HDAC4: variants seen among roughly 807,000 people sequenced by gnomAD.
The protein encoded by HDAC4 is histone deacetylase 4.
In HDAC4, 16 loss-of-function variants were observed where a neutral mutation model predicts 135.1. The ratio of observed to expected loss-of-function variants is 0.12; its 90% confidence interval spans 0.08 to 0.18. The LOEUF is 0.18. Ranked by LOEUF, HDAC4 falls within the 10% of genes least tolerant of loss-of-function variation. The probability of loss-of-function intolerance (pLI) is 1.00; values close to 1 mark genes in which losing one functional copy is unlikely to be tolerated. For missense variants in HDAC4, 1,143 were observed against 1,511.8 expected (o/e 0.76, Z 4.05); for synonymous variants, 685 against 653.4 (o/e 1.05, Z -0.74).
At chr2:239,063,097 G>T (rs75322435) in intron 24 of HDAC4, among the ~76,000 whole-genome samples, 5,962 of 152,296 alleles carry the variant, frequency 0.039, 175 homozygotes, top group South Asian at 0.058. Flanking sequence ...GCATACTCCA[G>T]GTCTGCTGTC....
intron 3 of HDAC4, among the ~76,000 whole-genome samples, chr2:239,214,141 C>T (rs904707409): frequency 2.0e-5 from 3 of 152,180 alleles, no homozygotes; most frequent in Non-Finnish European, 2.9e-5. Context: ...ATGGGGTTTA[C>T]GGAGCGAAAG....
intron 3 of HDAC4, among the ~76,000 whole-genome samples, chr2:239,198,566 GATCATAGTC>G (rs1016010599): frequency 1.8e-4 from 28 of 152,276 alleles, no homozygotes; most frequent in African/African-American, 6.5e-4. Context: ...AGGCGCTCAG[GATCATAGTC>G]GCTGGAGAGC....
chr2:239,080,488 C>A (rs1009682592), intron 22 of HDAC4, among the ~76,000 whole-genome samples: 1 of 152,208 alleles, frequency 6.6e-6, no homozygotes, highest in Non-Finnish European at 1.5e-5. Flanking sequence ...AGAAAACCTG[C>A]GCTGCTCAGC....
chr2:239,206,198 C>T (rs1002595813), intron 3 of HDAC4, among the ~76,000 whole-genome samples: 2 of 152,108 alleles, frequency 1.3e-5, no homozygotes, highest in Non-Finnish European at 2.9e-5. Context: ...TGTGGTGGTG[C>T]ATGCCTGTGG....
chr2:239,108,000 T>G (rs1360228079), intron 15 of HDAC4, 50 bp downstream of exon 15: 7 of 1,608,184 alleles, frequency 4.4e-6, no homozygotes, highest in Non-Finnish European at 5.9e-6. Flanking sequence ...GAGGGTCCCC[T>G]CTAATGGTGC....
At chr2:239,266,219 A>C (rs2049719433) in intron 2 of HDAC4, among the ~76,000 whole-genome samples, 1 of 152,062 alleles carries the variant, frequency 6.6e-6, no homozygotes. Flanking sequence ...GGGAGCCCAC[A>C]CTCCAGGCAG....
At chr2:239,248,906 C>T (rs774328950) in intron 2 of HDAC4, among the ~76,000 whole-genome samples, 1 of 152,198 alleles carries the variant, frequency 6.6e-6, no homozygotes, top group Non-Finnish European at 1.5e-5. Flanking sequence ...CCTGAACTAG[C>T]GATTAAGTGA....
intron 2 of HDAC4, among the ~76,000 whole-genome samples, chr2:239,316,478 C>T (rs1432041384): frequency 1.3e-5 from 2 of 152,144 alleles, no homozygotes; most frequent in Admixed American, 6.5e-5. Context: ...CATGGTAGCA[C>T]GGGCCTGTAG....
intron 2 of HDAC4, among the ~76,000 whole-genome samples, chr2:239,300,934 C>G (rs2052215348): frequency 6.6e-6 from 1 of 152,340 alleles, no homozygotes; most frequent in East Asian, 1.9e-4. Flanking sequence ...CATGTGGGAC[C>G]CCTCCCTAGG....
At chr2:239,144,468 T>C in intron 8 of HDAC4, 115 bp downstream of exon 8, 11 of 1,360,766 alleles carry the variant, frequency 8.1e-6, no homozygotes, top group Non-Finnish European at 1.2e-5. Context: ...ACACTGGGGG[T>C]TGACAGCGTG....
At chr2:239,063,972 C>T (rs757484549) in intron 24 of HDAC4, among the ~76,000 whole-genome samples, 6 of 152,194 alleles carry the variant, frequency 3.9e-5, no homozygotes, top group South Asian at 2.1e-4. Context: ...GCATGGTCAC[C>T]GGGGCAAGGC....
At chr2:239,277,789 C>A (rs1559317386) in intron 2 of HDAC4, among the ~76,000 whole-genome samples, 1 of 152,242 alleles carries the variant, frequency 6.6e-6, no homozygotes, top group African/African-American at 2.4e-5. Context: ...CACAGCAACT[C>A]CACCCGGGCC....
intron 2 of HDAC4, among the ~76,000 whole-genome samples, chr2:239,304,719 C>T (rs967248114): frequency 2.0e-5 from 3 of 152,166 alleles, no homozygotes; most frequent in African/African-American, 7.2e-5. Context: ...TTGTGCCCAG[C>T]GTGCAGACTC....
At chr2:239,317,633 C>T (rs187895617) in intron 2 of HDAC4, among the ~76,000 whole-genome samples, 1 of 152,210 alleles carries the variant, frequency 6.6e-6, no homozygotes, top group East Asian at 1.9e-4. Context: ...AATTAGGAAT[C>T]TATGAGTTCA....
At chr2:239,375,405 G>A (rs931241883) in intron 1 of HDAC4, among the ~76,000 whole-genome samples, 6 of 147,568 alleles carry the variant, frequency 4.1e-5, no homozygotes, top group African/African-American at 7.4e-5. Context: ...CCGGGCCAGC[G>A]AGGATGCCTG....
At position 239,313,908 on chromosome 2, in the gene HDAC4, C is replaced by A. The variant is rs2053003282; in HGVS notation, c.22+38770G>T. Reference sequence around the variant, plus strand: ...ACCTGCACTGCCTCTTACCACTGCACCGTCCCTGTGAGTGTGCGTGGGGAG... The same window carrying A: ...ACCTGCACTGCCTCTTACCACTGCAACGTCCCTGTGAGTGTGCGTGGGGAG... On this transcript the variant is annotated intron_variant, in intron 2 of 26. Transcript: ENST00000543185. This position sits in a 1 kb window ranked among gnomAD's most constrained non-coding sequence, Gnocchi z 5.1. 6.6e-6 allele frequency among the ~76,000 whole-genome samples: 1 copy of A among 152,178 alleles called. No homozygotes were observed. The highest frequency in any genetic ancestry group is 2.4e-5 in the African/African-American group (1 of 41,456).
At chr2:239,390,516 T>C (rs138959584) in intron 1 of HDAC4, among the ~76,000 whole-genome samples, 153 of 152,178 alleles carry the variant, frequency 1.0e-3, no homozygotes, top group Admixed American at 2.1e-3. Flanking sequence ...ATTGTACCAG[T>C]ACACTCCAGC....
At chr2:239,259,477 A>G (rs2049227411) in intron 2 of HDAC4, among the ~76,000 whole-genome samples, 1 of 152,192 alleles carries the variant, frequency 6.6e-6, no homozygotes, top group Admixed American at 6.5e-5. Context: ...ACAACAACCA[A>G]AAAAACACTT....
At chr2:239,169,815 C>G (rs3791527) in intron 5 of HDAC4, among the ~76,000 whole-genome samples, 1 of 151,766 alleles carries the variant, frequency 6.6e-6, no homozygotes. Context: ...CCCTATGCCG[C>G]CCCGTCTCCT....
Sources: gnomAD v4.1 joint callset for allele counts (sites outside exome capture counted in the v4.1 genomes callset) on GRCh38, gnomAD v4.1.1 for gene constraint, Gnocchi (gnomAD v3.1) non-coding constraint, MANE v1.5 for transcripts, NCBI Gene and HGNC (gene_info 2026-07-23, HGNC 2026-07-21) for gene names.